Variants in CRLF1 observed in about 807,000 individuals in gnomAD.
The protein encoded by CRLF1 is cytokine receptor-like factor 1.
CRLF1 carries 36 observed loss-of-function variants against 48.9 expected under a neutral mutation model. That is an observed-to-expected ratio of 0.74 (90% CI 0.56 to 0.97). The LOEUF is 0.97. CRLF1 is among the 50% of genes least tolerant of loss of function. CRLF1 has a pLI of 0.00. For missense variants in CRLF1, 534 were observed against 575.1 expected, an observed-to-expected ratio of 0.93 and a Z score of 0.73; for synonymous variants, 256 against 253.4, an observed-to-expected ratio of 1.01 and a Z score of -0.10.
chr19:18,606,510 A>AG lies in CRLF1; in HGVS notation c.115+31dup. ...CGGGGCGCCCGCCCTCTGCTCTGGC[A>AG]GGGGGGAAGGAGTGGGGCGCCGGGT... On this transcript the variant is annotated intron_variant, in intron 1 of 8. Coordinates refer to ENST00000392386, the MANE Select transcript of CRLF1 (RefSeq NM_004750.5). The surrounding 1 kb of genome is among the most constrained non-coding windows in gnomAD (Gnocchi z 4.8). 5 of 1,134,542 alleles carry AG rather than the reference A, an allele frequency of 4.4e-6. No individual in the cohort carries two copies. Among genetic ancestry groups the AG allele is most frequent in the Admixed American group, 5.0e-5 (1 of 20,158 alleles). The allele number at this position is 1,134,542 out of a possible 1,614,324, so 70.3% of individuals were successfully genotyped here.
chr19:18,600,371 G>GT (rs1976204932), intron 1 of CRLF1, among the ~76,000 whole-genome samples: 1 of 113,544 alleles, frequency 8.8e-6, no homozygotes, highest in Non-Finnish European at 1.9e-5. Context: ...ACTAACTTTT[G>GT]TATTTTTTTT....
chr19:18,595,805 G>T (rs1453591541), intron 6 of CRLF1, among the ~76,000 whole-genome samples: 2 of 152,212 alleles, frequency 1.3e-5, no homozygotes, highest in African/African-American at 4.8e-5. Flanking sequence ...ATCCCAGACA[G>T]CAAGAGGAAG....
chr19:18,597,161 T>TC, intron 4 of CRLF1, 112 bp from the exon 5 acceptor site: 1 of 1,183,252 alleles, frequency 8.5e-7, no homozygotes, highest in Non-Finnish European at 1.2e-6. Context: ...GTTTTCCTCC[T>TC]CTTCCCTCTG....
At chr19:18,595,352 T>C (rs553297818) in intron 6 of CRLF1, among the ~76,000 whole-genome samples, 24 of 152,204 alleles carry the variant, frequency 1.6e-4, no homozygotes, top group Non-Finnish European at 2.9e-4. Context: ...CCCCTGAACC[T>C]GGAGGGGCCC....
chr19:18,594,032 TCCCTCC>T, intron 8 of CRLF1, 27 bp downstream of exon 8: 1 of 695,808 alleles, frequency 1.4e-6, no homozygotes. Flanking sequence ...CTCCCCTTGC[TCCCTCC>T]CGCCCACCCA....
intron 6 of CRLF1, among the ~76,000 whole-genome samples, chr19:18,595,468 T>C (rs558564159): frequency 2.0e-5 from 3 of 152,368 alleles, no homozygotes; most frequent in Admixed American, 2.0e-4. Flanking sequence ...CAGAGTGAGC[T>C]TGGTCTTCCC....
At chr19:18,594,644 G>T (rs1164965871) in intron 6 of CRLF1, among the ~76,000 whole-genome samples, 1 of 151,852 alleles carries the variant, frequency 6.6e-6, no homozygotes, top group Admixed American at 6.5e-5. Context: ...GGGGGGAGGG[G>T]GAAGGAAGGG....
At chr19:18,598,295 G>T in intron 4 of CRLF1, 137 bp downstream of exon 4, 1 of 901,608 alleles carries the variant, frequency 1.1e-6, no homozygotes, top group Non-Finnish European at 1.7e-6. Context: ...GACCAGCAGG[G>T]ACAACCCGGG....
rs561525378 is a variant in CRLF1, at chr19:18,593,763, C to T, written c.1256-184G>A. ...TGAGCTGCAGGTAAAGCACTTGGCG[C>T]GGAGCCAGTATGCAGTAGGCGCCCA... On this transcript the variant is annotated intron_variant, in intron 8 of 8. Transcript: ENST00000392386. 211 of 985,128 alleles carry T rather than the reference C, an allele frequency of 2.1e-4. 1 individual carries two copies. The African/African-American group carries it at 3.4e-3, about 16-fold the overall frequency. The allele number at this position is 985,128 out of a possible 1,614,324, so 61.0% of individuals were successfully genotyped here. A position where few individuals can be genotyped will look rare whatever the true frequency, so the allele number is the denominator to read the frequency against.
chr19:18,596,989 AGC>A lies in CRLF1; in HGVS notation c.756_757del (p.Gln252HisfsTer77). 1 of 1,613,826 alleles carries A rather than the reference AGC, an allele frequency of 6.2e-7. No individual in the cohort carries two copies. Among genetic ancestry groups the A allele is most frequent in the Non-Finnish European group, 8.5e-7 (1 of 1,179,994 alleles). On this transcript the variant is annotated frameshift_variant, in exon 5 of 9. Coordinates refer to ENST00000392386, the MANE Select transcript of CRLF1 (RefSeq NM_004750.5). LOFTEE classifies it high-confidence loss of function. The stretch of plus-strand genomic sequence containing the variant: ...GGGTGGCGACACCCAGCGCACGCTC[AGC>A]TGGTCCTCCAGGCCCCCGACGCGGC...
chr19:18,605,963 C>T (rs1387977663), intron 1 of CRLF1, among the ~76,000 whole-genome samples: 2 of 152,064 alleles, frequency 1.3e-5, no homozygotes, highest in Non-Finnish European at 2.9e-5. Flanking sequence ...CCGCCGGTGG[C>T]GGGGACTCCG....
rs1802330 is a variant in CRLF1, at chr19:18,593,526, G to A, written c.*40C>T. ...GCCCCAGTTTGGGTTCGGCCTCTGC[G>A]TCTCCACGTGGCAGGGAGGGTGGCC... On this transcript the variant is annotated 3_prime_UTR_variant, in exon 9 of 9. Coordinates refer to ENST00000392386, the MANE Select transcript of CRLF1 (RefSeq NM_004750.5). 4.4e-6 allele frequency: 7 copies of A among 1,608,962 alleles called. No homozygotes were observed. Among genetic ancestry groups the A allele is most frequent in the South Asian group, 2.2e-5 (2 of 90,028 alleles).
At chr19:18,596,514 T>C in intron 6 of CRLF1, 108 bp downstream of exon 6, 4 of 1,344,724 alleles carry the variant, frequency 3.0e-6, no homozygotes, top group Non-Finnish European at 4.0e-6. Flanking sequence ...TGCGACAGAA[T>C]GAGGCCGTGT....
chr19:18,593,761 C>A (rs1392905234), intron 8 of CRLF1, 182 bp from the exon 9 acceptor site: 3 of 985,004 alleles, frequency 3.0e-6, no homozygotes, highest in Non-Finnish European at 3.6e-6. Flanking sequence ...AAGCACTTGG[C>A]GCGGAGCCAG....
Position 18,596,918 on chromosome 19 carries a change from G to C in CRLF1, c.829C>G (p.Arg277Gly), listed in dbSNP as rs137853145. The C allele has an allele frequency of 3.1e-6, 5 of 1,614,040 alleles. No homozygotes were observed. The South Asian group carries it at 3.3e-5, about 11-fold the overall frequency. ...LFQAKYQIRY[R>G]VEDSVDWKVV... is the part of the protein sequence containing the mutation. ...TTCCAGTCCACACTGTCCTCCACTC[G>C]GTAGCGGATCTGGTATTTGGCTTGA... Residue 277 changes from arginine to glycine, a missense_variant, in exon 5 of 9, where the codon CGA becomes GGA. Arg to Gly is a moderately radical substitution (Grantham distance 125). This residue lies in a region of CRLF1 where 528 missense variants were observed against 555.7 expected (regional missense o/e 0.95). Transcript: ENST00000392386.
Position 18,594,196 on chromosome 19 carries a change from C to G in CRLF1, c.1212+51G>C, listed in dbSNP as rs191482124. The G allele has an allele frequency of 1.1e-5, 18 of 1,608,518 alleles. No individual in the cohort carries two copies. In the South Asian group the frequency reaches 1.8e-4, roughly 16 times the overall value. Reference sequence around the variant, plus strand: ...CTTCCCCCTCCCCTGTTTTCTGGGCCCCCCCAGCTCCCTGTCCCCACCCCC... The same window carrying G: ...CTTCCCCCTCCCCTGTTTTCTGGGCGCCCCCAGCTCCCTGTCCCCACCCCC... On this transcript the variant is annotated intron_variant, in intron 7 of 8. Coordinates refer to ENST00000392386, the MANE Select transcript of CRLF1 (RefSeq NM_004750.5).
At position 18,593,446 on chromosome 19, in the gene CRLF1, A is replaced by T; in HGVS notation, c.*120T>A. The T allele has an allele frequency of 1.4e-6, 2 of 1,443,562 alleles. No individual in the cohort carries two copies. Among genetic ancestry groups the T allele is most frequent in the Non-Finnish European group, 1.9e-6 (2 of 1,056,406 alleles). 89.4% of individuals were successfully genotyped at this position (1,443,562 alleles called of 1,614,324 possible). ...TTATGGCCGTTGGAGCTCAGGGGCC[A>T]CCCCAGCTCCTGCTGAGGGTGGCTC... On this transcript the variant is annotated 3_prime_UTR_variant, in exon 9 of 9. Coordinates refer to ENST00000392386, the MANE Select transcript of CRLF1 (RefSeq NM_004750.5).
At chr19:18,593,689 G>T in intron 8 of CRLF1, 110 bp from the exon 9 acceptor site, 1 of 1,543,212 alleles carries the variant, frequency 6.5e-7, no homozygotes, top group Non-Finnish European at 8.8e-7. Context: ...TTCTGGCTGT[G>T]TGACTTTGGG....
At position 18,593,630 on chromosome 19, in the gene CRLF1, C is replaced by A. The variant is rs543691441; in HGVS notation, c.1256-51G>T. On this transcript the variant is annotated intron_variant, in intron 8 of 8. Transcript: ENST00000392386. ...AAGCAGGGAGTCCAGGAGAGGGCCG[C>A]ACCACAGAGCCACTGAAGGAGGCTT... 73 of 1,572,508 alleles carry A rather than the reference C, an allele frequency of 4.6e-5. 4 individuals carry two copies. The South Asian group carries it at 8.3e-4, about 18-fold the overall frequency.
Sources: allele counts gnomAD v4.1 joint callset (sites outside exome capture counted in the v4.1 genomes callset), GRCh38; gene constraint gnomAD v4.1.1; regional missense constraint gnomAD v4.1.1; non-coding constraint Gnocchi (gnomAD v3.1); transcripts MANE v1.5; gene names NCBI Gene and HGNC (gene_info 2026-07-23, HGNC 2026-07-21).